DGKB: variants seen among roughly 807,000 people sequenced by gnomAD.
The protein encoded by DGKB is diacylglycerol kinase beta.
Under a neutral mutation model 114.3 loss-of-function variants are expected in DGKB, and 67 were observed. The observed-to-expected ratio is 0.59, with a 90% CI of 0.48 to 0.72. The LOEUF is 0.72. DGKB is among the 30% of genes least tolerant of loss of function. DGKB has a pLI of 0.00. For synonymous variants in DGKB, 398 were observed against 323.1 expected, an observed-to-expected ratio of 1.23 and a Z score of -2.49; for missense variants, 907 against 975.2, an observed-to-expected ratio of 0.93 and a Z score of 0.93.
chr7:14,597,783 T>C (rs955940394), intron 17 of DGKB, among the ~76,000 whole-genome samples: 4 of 152,122 alleles, frequency 2.6e-5, no homozygotes, highest in Admixed American at 2.6e-4. Flanking sequence ...AGAAGGTTCC[T>C]GGGTGACTAC....
At chr7:14,556,627 G>T (rs577625867) in intron 20 of DGKB, among the ~76,000 whole-genome samples, 1 of 151,928 alleles carries the variant, frequency 6.6e-6, no homozygotes, top group African/African-American at 2.4e-5. Context: ...AGCAACTCTT[G>T]TTTTTATTTA....
At chr7:14,300,434 T>C (rs912119025) in intron 23 of DGKB, among the ~76,000 whole-genome samples, 1 of 152,166 alleles carries the variant, frequency 6.6e-6, no homozygotes, top group African/African-American at 2.4e-5. Context: ...GACTCATACA[T>C]TGATACATAC....
intron 21 of DGKB, among the ~76,000 whole-genome samples, chr7:14,431,386 T>C (rs542069477): frequency 2.3e-4 from 35 of 152,262 alleles, no homozygotes; most frequent in African/African-American, 8.4e-4. Context: ...TTTTTCTGCT[T>C]TTTTAAGTGA....
chr7:14,563,977 G>A (rs1390685247), intron 20 of DGKB, among the ~76,000 whole-genome samples: 1 of 152,114 alleles, frequency 6.6e-6, no homozygotes, highest in Non-Finnish European at 1.5e-5. Flanking sequence ...TCTCCTAAAG[G>A]CAGCTCTGTG....
chr7:14,560,087 G>A (rs189703849), intron 20 of DGKB, among the ~76,000 whole-genome samples: 36 of 151,002 alleles, frequency 2.4e-4, no homozygotes, highest in African/African-American at 8.8e-4. Context: ...GTTTAATTGT[G>A]CTAATTACAT....
chr7:14,613,295 T>C, intron 16 of DGKB, 45 bp downstream of exon 16: 1 of 1,167,070 alleles, frequency 8.6e-7, no homozygotes, highest in Admixed American at 2.3e-5. Flanking sequence ...GTCTATTTTT[T>C]TACATATACA....
chr7:14,932,707 T>A (rs1477376597), intron 1 of DGKB, among the ~76,000 whole-genome samples: 1 of 152,042 alleles, frequency 6.6e-6, no homozygotes, highest in East Asian at 1.9e-4. Flanking sequence ...CGCAAAACAA[T>A]ATAGGATCTA....
chr7:14,183,063 T>C (rs138692359), intron 23 of DGKB, among the ~76,000 whole-genome samples: 43 of 152,318 alleles, frequency 2.8e-4, no homozygotes, highest in Non-Finnish European at 5.3e-4. Context: ...ATGACACTTA[T>C]TGAGCCATTA....
intron 21 of DGKB, among the ~76,000 whole-genome samples, chr7:14,427,807 T>A (rs1299132362): frequency 1.3e-5 from 2 of 152,008 alleles, no homozygotes; most frequent in African/African-American, 4.8e-5. Context: ...TCCCACCAGG[T>A]CTCTCCCACA....
rs372292464 is a variant in DGKB, at chr7:14,682,559, C to A, written c.1029G>T (p.Gln343His). 9 of 1,609,770 alleles carry A rather than the reference C, an allele frequency of 5.6e-6. No homozygotes were observed. The African/African-American group carries it at 9.4e-5, about 17-fold the overall frequency. The change falls in exon 12 of 26, where the codon CAG becomes CAT. Residue 343 changes from glutamine to histidine, a missense_variant. Physicochemically the swap from Gln to His is conservative, Grantham distance 24. This residue lies in a region of DGKB where 814 missense variants were observed against 856.6 expected (regional missense o/e 0.95). Coordinates refer to ENST00000402815, the MANE Select transcript of DGKB (RefSeq NM_001350709.2). ...GLTGLHCVWCQITLHNKCASH... is the reference protein window; with the variant it reads ...GLTGLHCVWCHITLHNKCASH... Reference sequence around the variant, plus strand: ...TTTTCCAATTTTTACTCACTGTGATCTGACACCAAACACAATGCAGTCCTG... The same window carrying A: ...TTTTCCAATTTTTACTCACTGTGATATGACACCAAACACAATGCAGTCCTG...
At position 14,631,401 on chromosome 7, in the gene DGKB, C is replaced by G. The variant is rs962136026; in HGVS notation, c.1135-1133G>C. ...GTGACACAGAAGGAGAAGAAGAGGT[C>G]TAGCACAGCCCCACAGAAAATTAAG... On this transcript the variant is annotated intron_variant, in intron 13 of 25. Transcript: ENST00000402815. Among the ~76,000 whole-genome samples the G allele has an allele frequency of 9.2e-5, 14 of 151,936 alleles. 1 individual carries two copies. Among genetic ancestry groups the G allele is most frequent in the Admixed American group, 8.5e-4 (13 of 15,210 alleles).
intron 21 of DGKB, among the ~76,000 whole-genome samples, chr7:14,348,244 G>A (rs1242936772): frequency 6.6e-6 from 1 of 151,224 alleles, no homozygotes; most frequent in East Asian, 2.0e-4. Context: ...GGATACAAAT[G>A]GACTCATATA....
At chr7:14,853,686 C>T (rs1164409930) in intron 1 of DGKB, among the ~76,000 whole-genome samples, 1 of 151,612 alleles carries the variant, frequency 6.6e-6, no homozygotes, top group African/African-American at 2.4e-5. Context: ...GAAACCACGT[C>T]TCTACTGAAA....
intron 20 of DGKB, among the ~76,000 whole-genome samples, chr7:14,554,716 CTT>C (rs975489089): frequency 2.4e-4 from 36 of 152,108 alleles, no homozygotes; most frequent in African/African-American, 8.7e-4. Flanking sequence ...GATCATCAGT[CTT>C]TGTAATTTTG....
chr7:14,484,565 A>G (rs1310907871), intron 20 of DGKB, among the ~76,000 whole-genome samples: 1 of 152,146 alleles, frequency 6.6e-6, no homozygotes, highest in Non-Finnish European at 1.5e-5. Flanking sequence ...GCTTTCCGCC[A>G]TGATTGTAAG....
intron 25 of DGKB, among the ~76,000 whole-genome samples, chr7:14,175,451 G>A (rs1781583452): frequency 6.6e-6 from 1 of 151,984 alleles, no homozygotes; most frequent in Non-Finnish European, 1.5e-5. Context: ...GCACCCCCAG[G>A]AACTCATTAA....
chr7:14,736,474 A>AC (rs11455738), intron 4 of DGKB, among the ~76,000 whole-genome samples: 97,809 of 151,908 alleles, frequency 0.64, 35,193 homozygotes, highest in Non-Finnish European at 0.81. Context: ...TGAAAAATGT[A>AC]CTGTTTGAAA....
At chr7:14,669,601 C>T (rs1165021905) in intron 13 of DGKB, among the ~76,000 whole-genome samples, 1 of 152,120 alleles carries the variant, frequency 6.6e-6, no homozygotes, top group Non-Finnish European at 1.5e-5. Flanking sequence ...GAAAACAAAA[C>T]CAGTACTTAT....
chr7:14,973,602 A>T (rs1587486694), intron 1 of DGKB, among the ~76,000 whole-genome samples: 1 of 147,970 alleles, frequency 6.8e-6, no homozygotes, highest in African/African-American at 2.5e-5. Context: ...CCTTCACCAA[A>T]GATATTTCTG....
Sources: allele counts gnomAD v4.1 joint callset (sites outside exome capture counted in the v4.1 genomes callset), GRCh38; gene constraint gnomAD v4.1.1; regional missense constraint gnomAD v4.1.1; transcripts MANE v1.5; gene names NCBI Gene and HGNC (gene_info 2026-07-23, HGNC 2026-07-21).